Variants in DAB1 observed in about 807,000 individuals in gnomAD.
DAB1 encodes DAB adaptor protein 1, also known as disabled homolog 1.
Under a neutral mutation model 64.6 loss-of-function variants are expected in DAB1, and 15 were observed. That is an observed-to-expected ratio of 0.23 (90% CI 0.16 to 0.36). The LOEUF (loss-of-function observed/expected upper bound fraction) is 0.36, where lower values mean the gene tolerates loss of function less well. Among genes scored for constraint, DAB1 ranks in the 10% least tolerant of loss-of-function variants. The pLI is 1.00. For synonymous variants in DAB1, 235 were observed against 251.9 expected (o/e 0.93, Z 0.64); for missense variants, 596 against 706.7 (o/e 0.84, Z 1.78).
intron 7 of DAB1, among the ~76,000 whole-genome samples, chr1:57,451,389 G>A (rs1360274809): frequency 2.0e-5 from 3 of 152,164 alleles, no homozygotes; most frequent in Admixed American, 6.6e-5. Flanking sequence ...TAGAGTGTCC[G>A]ATTTCTGCAT....
rs544972056 is a variant in DAB1, at chr1:58,413,355, G to A, written n.258-69952C>T. ...CACTTATTCTTAAAAACAACTCTAT[G>A]AGGTATGCTCTATTATCCTCTTTCT... is the stretch of plus-strand genomic sequence containing the variant. On this transcript the variant is annotated intron_variant and non_coding_transcript_variant, in intron 3 of 20. Coordinates refer to the DAB1 transcript ENST00000485760. Among the ~76,000 whole-genome samples the A allele has an allele frequency of 2.1e-4, 32 of 152,298 alleles. 2 individuals carry two copies. The South Asian group carries it at 6.6e-3, about 32-fold the overall frequency.
chr1:58,269,324 T>C (rs1661255847), intron 4 of DAB1, among the ~76,000 whole-genome samples: 1 of 151,590 alleles, frequency 6.6e-6, no homozygotes, highest in Non-Finnish European at 1.5e-5. Context: ...TTCATCCATG[T>C]CCCTACAAAG....
At chr1:58,485,217 G>A (rs2654733) in intron 3 of DAB1, among the ~76,000 whole-genome samples, 1 of 36,934 alleles carries the variant, frequency 2.7e-5, no homozygotes, top group African/African-American at 1.2e-4. Context: ...AAAAATAAAA[G>A]AGTCTACTAC....
At chr1:57,379,174 C>T (rs958957154) in intron 1 of DAB1, among the ~76,000 whole-genome samples, 2 of 128,742 alleles carry the variant, frequency 1.6e-5, no homozygotes, top group African/African-American at 5.9e-5. Flanking sequence ...GAAACCCCCT[C>T]CCCCACCATC....
rs538290012 is a variant in DAB1, at chr1:57,526,003, T to C, written n.625+123589A>G. On this transcript the variant is annotated intron_variant and non_coding_transcript_variant, in intron 7 of 20. Coordinates refer to the DAB1 transcript ENST00000485760. ...CCCAGGCTGGAGTGCAGTGGCACTA[T>C]CTCAGCTCACTGCAACCTCCGCCTC... Among the ~76,000 whole-genome samples, 5 of 151,462 alleles carry C rather than the reference T, an allele frequency of 3.3e-5. No individual in the cohort carries two copies. In the East Asian group the frequency reaches 9.8e-4, roughly 30 times the overall value.
At chr1:57,112,307 C>T (rs1173641435) in intron 4 of DAB1, among the ~76,000 whole-genome samples, 3 of 152,172 alleles carry the variant, frequency 2.0e-5, no homozygotes, top group African/African-American at 7.2e-5. Context: ...TGTGAATCTC[C>T]AGGCTAGGCC....
intron 3 of DAB1, among the ~76,000 whole-genome samples, chr1:58,344,891 A>G (rs372013601): frequency 2.1e-5 from 3 of 141,976 alleles, no homozygotes; most frequent in Non-Finnish European, 4.6e-5. Flanking sequence ...ATTATTCTCT[A>G]TCTTTTTCTC....
At chr1:58,143,990 G>A (rs764301678) in intron 5 of DAB1, among the ~76,000 whole-genome samples, 1 of 151,830 alleles carries the variant, frequency 6.6e-6, no homozygotes, top group Non-Finnish European at 1.5e-5. Context: ...CCTTCCTTCC[G>A]TTTAGTTGCA....
intron 3 of DAB1, among the ~76,000 whole-genome samples, chr1:58,394,281 C>T (rs1402271794): frequency 1.3e-5 from 2 of 152,162 alleles, no homozygotes; most frequent in African/African-American, 4.8e-5. Flanking sequence ...GAGAATGCTA[C>T]AGAACTTTGG....
intron 3 of DAB1, among the ~76,000 whole-genome samples, chr1:58,455,850 T>C (rs1645188398): frequency 6.6e-6 from 1 of 152,170 alleles, no homozygotes; most frequent in Non-Finnish European, 1.5e-5. Flanking sequence ...TCTATAAGCA[T>C]CTCTCGCAGA....
chr1:58,230,042 C>T lies in DAB1; in HGVS notation n.310-79454G>A, dbSNP rs1454515448. On this transcript the variant is annotated intron_variant and non_coding_transcript_variant, in intron 4 of 20. Coordinates refer to the DAB1 transcript ENST00000485760. ...CAGTCTCACTGAGTCTTAACCCCTA[C>T]ATCACGCCATTGCTCCTACGTCCTT... Among the ~76,000 whole-genome samples, 3 of 152,198 alleles carry T rather than the reference C, an allele frequency of 2.0e-5. No individual in the cohort carries two copies. In the South Asian group the frequency reaches 6.2e-4, roughly 32 times the overall value.
At chr1:58,286,054 A>G (rs1557722541) in intron 4 of DAB1, among the ~76,000 whole-genome samples, 1 of 152,230 alleles carries the variant, frequency 6.6e-6, no homozygotes, top group Non-Finnish European at 1.5e-5. Flanking sequence ...TGACAAAAAC[A>G]AGCATTGGGG....
intron 5 of DAB1, among the ~76,000 whole-genome samples, chr1:58,125,462 A>T (rs1653007539): frequency 6.8e-6 from 1 of 147,628 alleles, no homozygotes; most frequent in Admixed American, 6.8e-5. Context: ...TTTTTTCGAG[A>T]CAGGATCTCC....
chr1:57,420,829 T>C (rs574450592), intron 1 of DAB1, among the ~76,000 whole-genome samples: 1 of 152,330 alleles, frequency 6.6e-6, no homozygotes, highest in African/African-American at 2.4e-5. Flanking sequence ...ACCACGAGTA[T>C]TCTTTGTCTC....
intron 5 of DAB1, among the ~76,000 whole-genome samples, chr1:58,034,350 A>T (rs535243212): frequency 2.0e-5 from 3 of 152,350 alleles, no homozygotes; most frequent in African/African-American, 7.2e-5. Context: ...ATCTTGAAAG[A>T]GGATTCTGCC....
chr1:58,538,774 T>TA (rs769956163), intron 1 of DAB1: 28 of 732,836 alleles, frequency 3.8e-5, no homozygotes, highest in African/African-American at 3.7e-4. Flanking sequence ...TAAAAGTTTT[T>TA]ATTCTAAAAA....
In DAB1 at chr1:58,359,252, A is replaced by G. The variant is rs566495841; in HGVS notation, n.258-15849T>C. On this transcript the variant is annotated intron_variant and non_coding_transcript_variant, in intron 3 of 20. Coordinates refer to the DAB1 transcript ENST00000485760. The stretch of plus-strand genomic sequence containing the variant: ...ATGTTGCCCCTCTTCTTCATATATG[A>G]AGAAACTAAGACACTCGAAGATATA... 3.3e-4 allele frequency among the ~76,000 whole-genome samples: 51 copies of G among 152,296 alleles called. 1 individual carries two copies. The highest frequency in any genetic ancestry group is 3.0e-3 in the Admixed American group (46 of 15,296).
intron 4 of DAB1, among the ~76,000 whole-genome samples, chr1:57,110,698 A>G (rs969251202): frequency 3.3e-5 from 5 of 152,218 alleles, no homozygotes; most frequent in Non-Finnish European, 7.3e-5. Context: ...TGAGGCACAC[A>G]GTAACCATTA....
Position 58,296,175 on chromosome 1 carries a change from AAGAAAGAAAG to A in DAB1, n.309+47167_309+47176del, listed in dbSNP as rs1450768806. Among the ~76,000 whole-genome samples the A allele has an allele frequency of 5.6e-3, 722 of 128,934 alleles. 13 individuals are homozygous for A. The highest frequency in any genetic ancestry group is 8.1e-3 in the African/African-American group (281 of 34,740). 84.6% of individuals were successfully genotyped at this position (128,934 alleles called of 152,430 possible). On this transcript the variant is annotated intron_variant and non_coding_transcript_variant, in intron 4 of 20. Transcript: ENST00000485760. ...AGAAAAAAGAAAGAAAGAAAGAAAA[AAGAAAGAAAG>A]AGAAAGAAAGAGAAAGAAAGAAAGA...
Sources: gnomAD v4.1 joint callset for allele counts (sites outside exome capture counted in the v4.1 genomes callset) on GRCh38, gnomAD v4.1.1 for gene constraint, MANE v1.5 for transcripts, NCBI Gene and HGNC (gene_info 2026-07-23, HGNC 2026-07-21) for gene names.